The following ANKRD31 variants were observed in gnomAD, a reference collection of about 807,000 sequenced individuals.
The protein encoded by ANKRD31 is ankyrin repeat domain 31.
ANKRD31 carries 147 observed loss-of-function variants against 186.0 expected under a neutral mutation model. The observed-to-expected ratio is 0.79, with a 90% CI of 0.69 to 0.91. The LOEUF (loss-of-function observed/expected upper bound fraction) is 0.91, where lower values mean the gene tolerates loss of function less well. ANKRD31 is among the 40% of genes least tolerant of loss of function. The pLI is 0.00. For missense variants in ANKRD31, 1,986 were observed against 2,148.8 expected (o/e 0.92, Z 1.50); for synonymous variants, 673 against 736.4 (o/e 0.91, Z 1.39).
Position 75,146,826 on chromosome 5 carries a change from T to A in ANKRD31, c.2585A>T (p.Glu862Val). ...TTDKQPHTLQEQHHVLYKSHE... is the reference protein window; with the variant it reads ...TTDKQPHTLQVQHHVLYKSHE... ...AGATTTATAAAGTACATGGTGTTGT[T>A]CCTGGAGAGTGTGAGGCTGCTTATC... is the stretch of plus-strand genomic sequence containing the variant. Residue 862 changes from glutamate (E) to valine (V), a missense_variant, in exon 14 of 26, where the codon GAA (glutamate) becomes GTA (valine). Coordinates refer to ENST00000506364, the MANE Select transcript of ANKRD31 (RefSeq NM_001372053.1). The A allele has an allele frequency of 6.5e-7, 1 of 1,536,332 alleles. No individual in the cohort carries two copies. Among genetic ancestry groups the A allele is most frequent in the Non-Finnish European group, 8.7e-7 (1 of 1,146,282 alleles).
chr5:75,180,575 T>C (rs1233859077), intron 10 of ANKRD31, among the ~76,000 whole-genome samples: 1 of 151,972 alleles, frequency 6.6e-6, no homozygotes, highest in Admixed American at 6.6e-5. Context: ...TCAGAAGTAA[T>C]GCCGCATATC....
intron 10 of ANKRD31, among the ~76,000 whole-genome samples, chr5:75,174,927 C>T (rs1399187327): frequency 6.6e-6 from 1 of 152,134 alleles, no homozygotes; most frequent in Non-Finnish European, 1.5e-5. Context: ...GACACATGCA[C>T]ATGTATGTTT....
chr5:75,119,391 A>T (rs1485530289), intron 17 of ANKRD31, among the ~76,000 whole-genome samples: 2 of 152,222 alleles, frequency 1.3e-5, no homozygotes, highest in Non-Finnish European at 2.9e-5. Flanking sequence ...ACTCAGAATA[A>T]TGGCCTCCAG....
At chr5:75,161,486 A>C (rs1752567600) in intron 11 of ANKRD31, among the ~76,000 whole-genome samples, 1 of 152,202 alleles carries the variant, frequency 6.6e-6, no homozygotes, top group Admixed American at 6.5e-5. Flanking sequence ...CAGAGCATAA[A>C]AGTTTGGAAA....
chr5:75,161,190 T>C (rs1425184692), intron 11 of ANKRD31, among the ~76,000 whole-genome samples: 14 of 152,158 alleles, frequency 9.2e-5, no homozygotes, highest in Non-Finnish European at 2.1e-4. Context: ...CCCTAGAGAC[T>C]TGTTGAATGG....
chr5:75,183,335 T>C (rs1170677937), intron 10 of ANKRD31, among the ~76,000 whole-genome samples: 2 of 152,056 alleles, frequency 1.3e-5, no homozygotes, highest in Non-Finnish European at 2.9e-5. Flanking sequence ...AAGTTGAAAG[T>C]TTTTCCTTTA....
intron 20 of ANKRD31, among the ~76,000 whole-genome samples, chr5:75,112,151 C>T (rs922629816): frequency 5.9e-5 from 9 of 152,016 alleles, no homozygotes; most frequent in African/African-American, 1.9e-4. Context: ...AGTGCAGTGG[C>T]GCGATCTTGG....
At chr5:75,185,603 T>A (rs1011107181) in intron 10 of ANKRD31, among the ~76,000 whole-genome samples, 1 of 151,970 alleles carries the variant, frequency 6.6e-6, no homozygotes, top group South Asian at 2.1e-4. Flanking sequence ...TGGTGTCCTA[T>A]TGAAGAGTTG....
intron 17 of ANKRD31, among the ~76,000 whole-genome samples, chr5:75,131,046 C>A (rs139609541): frequency 6.6e-6 from 1 of 152,368 alleles, no homozygotes; most frequent in Non-Finnish European, 1.5e-5. Context: ...CTATCAAGCC[C>A]AGCAGGTACT....
At chr5:75,148,282 A>G (rs1056745967) in intron 13 of ANKRD31, among the ~76,000 whole-genome samples, 1 of 151,744 alleles carries the variant, frequency 6.6e-6, no homozygotes. Context: ...AATACCTTTG[A>G]CTCTTTCCTG....
rs1396914000 is a variant in ANKRD31 at position 75,147,406 on chromosome 5, C to T, written c.2005G>A (p.Ala669Thr). The change falls in exon 14 of 26, where the codon GCG becomes ACG. Residue 669 changes from alanine (A) to threonine (T), a missense_variant. Coordinates refer to ENST00000506364, the MANE Select transcript of ANKRD31 (RefSeq NM_001372053.1). ...TCTTCTTTATTTATAAATAAACTCGCTTTGCTTCCTTTATTGACTTTTACA... is the reference window on the plus strand; with the variant it reads ...TCTTCTTTATTTATAAATAAACTCGTTTTGCTTCCTTTATTGACTTTTACA... ...EHVKVNKGSK[A>T]SLFINKEDVY... 2.1e-5 allele frequency: 32 copies of T among 1,521,724 alleles called. No individual in the cohort carries two copies. Among genetic ancestry groups the T allele is most frequent in the Non-Finnish European group, 2.6e-5 (30 of 1,141,140 alleles). The allele number at this position is 1,521,724 out of a possible 1,614,324, so 94.3% of individuals were successfully genotyped here. A position where few individuals can be genotyped will look rare whatever the true frequency, so the allele number is the denominator to read the frequency against.
At chr5:75,127,699 G>A (rs977516687) in intron 17 of ANKRD31, among the ~76,000 whole-genome samples, 2 of 152,042 alleles carry the variant, frequency 1.3e-5, no homozygotes, top group Non-Finnish European at 2.9e-5. Context: ...TATTTGTACT[G>A]AATCTATAGA....
Position 75,091,439 on chromosome 5 carries a change from T to C in ANKRD31, c.5332-38A>G, listed in dbSNP as rs1003268710. The C allele has an allele frequency of 1.1e-5, 17 of 1,513,140 alleles. No individual in the cohort carries two copies. The African/African-American group carries it at 1.4e-4, about 12-fold the overall frequency. 93.7% of individuals were successfully genotyped at this position (1,513,140 alleles called of 1,614,324 possible). The stretch of plus-strand genomic sequence containing the variant: ...ATAAAACAGAAATTAAGGTCAAAAA[T>C]AGCTGAAATATGTGAATTTTTGCTT... On this transcript the variant is annotated intron_variant, in intron 22 of 25. Transcript: ENST00000506364.
At position 75,068,688 on chromosome 5, in the gene ANKRD31, T is replaced by C. The variant is rs757304239; in HGVS notation, c.5648-24A>G. The C allele has an allele frequency of 2.1e-6, 3 of 1,462,624 alleles. No individual in the cohort carries two copies. In the South Asian group the frequency reaches 4.3e-5, roughly 21 times the overall value. 90.6% of individuals were successfully genotyped at this position (1,462,624 alleles called of 1,614,324 possible). A position where few individuals can be genotyped will look rare whatever the true frequency, so the allele number is the denominator to read the frequency against. On this transcript the variant is annotated intron_variant, in intron 25 of 25. Transcript: ENST00000506364. ...TCCTGTTTAAAGAAGTATCAACAAA[T>C]TAAAAACTGCCCTCTGAAATTTAAG... is the stretch of plus-strand genomic sequence containing the variant.
At chr5:75,077,848 C>G (rs552054492) in intron 25 of ANKRD31, among the ~76,000 whole-genome samples, 4 of 150,406 alleles carry the variant, frequency 2.7e-5, no homozygotes, top group Non-Finnish European at 4.4e-5. Context: ...TGGCATGAAC[C>G]CGGGAGGCGG....
intron 3 of ANKRD31, among the ~76,000 whole-genome samples, chr5:75,218,833 T>C (rs1405326905): frequency 1.3e-5 from 2 of 152,096 alleles, no homozygotes; most frequent in Non-Finnish European, 2.9e-5. Flanking sequence ...TATTCAAACA[T>C]ATTCAAATCA....
chr5:75,198,065 A>G (rs902263195), intron 6 of ANKRD31, among the ~76,000 whole-genome samples: 1 of 152,192 alleles, frequency 6.6e-6, no homozygotes, highest in Non-Finnish European at 1.5e-5. Flanking sequence ...ACTCTTTCTG[A>G]AGAAACAGGT....
chr5:75,092,485 G>C (rs1661401622), intron 22 of ANKRD31, among the ~76,000 whole-genome samples: 1 of 152,188 alleles, frequency 6.6e-6, no homozygotes, highest in Non-Finnish European at 1.5e-5. Context: ...AGAGCCATGG[G>C]TGGTCAGGGA....
chr5:75,229,020 T>C (rs955029094), intron 2 of ANKRD31, among the ~76,000 whole-genome samples: 1 of 145,406 alleles, frequency 6.9e-6, no homozygotes, highest in Non-Finnish European at 1.5e-5. Flanking sequence ...TTAGGAATTT[T>C]TTTTTCTATT....
Sources: allele counts gnomAD v4.1 joint callset (sites outside exome capture counted in the v4.1 genomes callset), GRCh38; gene constraint gnomAD v4.1.1; transcripts MANE v1.5; gene names NCBI Gene and HGNC (gene_info 2026-07-23, HGNC 2026-07-21).